The following TLE1 variants were observed in gnomAD, a reference collection of about 807,000 sequenced individuals.
TLE1 encodes TLE family member 1, transcriptional corepressor, also known as transducin-like enhancer protein 1.
A neutral mutation model predicts 89.8 loss-of-function variants in TLE1; 21 were observed. That is an observed-to-expected ratio of 0.23 (90% CI 0.17 to 0.34). TLE1 has a LOEUF of 0.34. TLE1 is among the 10% of genes least tolerant of loss of function. The pLI, the probability that TLE1 is intolerant of heterozygous loss-of-function variation, is 1.00. For synonymous variants in TLE1, 447 were observed against 407.6 expected (o/e 1.10, Z -1.16); for missense variants, 795 against 1,031.2 (o/e 0.77, Z 3.14).
intron 4 of TLE1, among the ~76,000 whole-genome samples, chr9:81,659,085 T>A (rs1830469266): frequency 6.6e-6 from 1 of 152,064 alleles, no homozygotes; most frequent in South Asian, 2.1e-4. Flanking sequence ...ATTTTTCTAT[T>A]TTTAGTAGAG....
At chr9:81,633,475 TA>T (rs1826969516) in intron 7 of TLE1, 111 bp from the exon 8 acceptor site, 3 of 1,511,506 alleles carry the variant, frequency 2.0e-6, no homozygotes, top group Non-Finnish European at 2.7e-6. Flanking sequence ...CAAACAGTTT[TA>T]AAAATGGCTT....
intron 14 of TLE1, among the ~76,000 whole-genome samples, chr9:81,603,715 T>C (rs550889682): frequency 6.6e-6 from 1 of 152,318 alleles, no homozygotes; most frequent in Non-Finnish European, 1.5e-5. Flanking sequence ...ATAAAAGTGA[T>C]ACAAGGTCAG....
At chr9:81,682,617 G>A (rs1029784689) in intron 4 of TLE1, among the ~76,000 whole-genome samples, 6 of 152,114 alleles carry the variant, frequency 3.9e-5, no homozygotes, top group African/African-American at 7.2e-5. Flanking sequence ...CCATATGACA[G>A]ACAAAAACAT....
Position 81,613,356 on chromosome 9 carries a change from CA to C in TLE1, c.1063+20del, listed in dbSNP as rs746406716. 1 of 1,610,176 alleles carries C rather than the reference CA, an allele frequency of 6.2e-7. No homozygotes were observed. The highest frequency in any genetic ancestry group is 8.5e-7 in the Non-Finnish European group (1 of 1,178,358). ...GGAATGGGAGAAACCAAACAAAGCACAACAAGAGGCGATGCTGTACCCGCTT... is the reference window on the plus strand; with the variant it reads ...GGAATGGGAGAAACCAAACAAAGCACACAAGAGGCGATGCTGTACCCGCTT... On this transcript the variant is annotated intron_variant, in intron 12 of 19. Coordinates refer to ENST00000376499, the MANE Select transcript of TLE1 (RefSeq NM_005077.5).
chr9:81,625,531 G>A (rs940404674), intron 8 of TLE1, among the ~76,000 whole-genome samples: 1 of 152,054 alleles, frequency 6.6e-6, no homozygotes, highest in Admixed American at 6.6e-5. Context: ...TCCTGGATGC[G>A]AGAGGCCAAT....
intron 8 of TLE1, among the ~76,000 whole-genome samples, chr9:81,624,190 A>C (rs1001230139): frequency 2.6e-5 from 4 of 152,208 alleles, no homozygotes; most frequent in Non-Finnish European, 4.4e-5. Context: ...CCTACCTCCT[A>C]ACCAACAGAA....
intron 11 of TLE1, among the ~76,000 whole-genome samples, chr9:81,614,982 G>C (rs1824232085): frequency 1.3e-5 from 2 of 149,756 alleles, no homozygotes; most frequent in South Asian, 4.3e-4. Context: ...ATTGCCTGAG[G>C]TCAGGAGTTC....
In TLE1 at chr9:81,688,477, C is replaced by A; in HGVS notation, c.-237G>T. 1 of 423,428 alleles carries A rather than the reference C, an allele frequency of 2.4e-6. No homozygotes were observed. Among genetic ancestry groups the A allele is most frequent in the Non-Finnish European group, 4.1e-6 (1 of 242,922 alleles). The allele number at this position is 423,428 out of a possible 1,614,324, so 26.2% of individuals were successfully genotyped here. ...GGGCCACATTAGTGGGCGCCCCAGG[C>A]CCAGCTGCTTCAAGAACCTGCGCGG... On this transcript the variant is annotated 5_prime_UTR_variant, in exon 1 of 20. Coordinates refer to ENST00000376499, the MANE Select transcript of TLE1 (RefSeq NM_005077.5).
At chr9:81,594,498 G>A (rs996473899) in intron 14 of TLE1, among the ~76,000 whole-genome samples, 13 of 151,726 alleles carry the variant, frequency 8.6e-5, no homozygotes, top group African/African-American at 2.7e-4. Flanking sequence ...CAATGAGATC[G>A]CGCCACTGCA....
intron 8 of TLE1, among the ~76,000 whole-genome samples, chr9:81,622,464 AATG>A (rs1342840344): frequency 6.6e-6 from 1 of 152,112 alleles, no homozygotes; most frequent in African/African-American, 2.4e-5. Context: ...GTTGTCGTTT[AATG>A]ATGTCAAATG....
intron 6 of TLE1, among the ~76,000 whole-genome samples, chr9:81,647,570 A>G (rs4877669): frequency 0.48 from 72,629 of 152,004 alleles, 17,600 homozygotes; most frequent in East Asian, 0.68. Context: ...AACCACCACC[A>G]ACCAGGACTT....
At chr9:81,683,312 G>A (rs1833854992) in intron 4 of TLE1, among the ~76,000 whole-genome samples, 1 of 151,190 alleles carries the variant, frequency 6.6e-6, no homozygotes, top group Non-Finnish European at 1.5e-5. Flanking sequence ...TTGGTTATAA[G>A]CCATAAAGCA....
At chr9:81,645,812 T>A (rs1203761532) in intron 6 of TLE1, among the ~76,000 whole-genome samples, 5 of 152,226 alleles carry the variant, frequency 3.3e-5, no homozygotes, top group Non-Finnish European at 7.3e-5. Flanking sequence ...TTCTTTATGA[T>A]GTGTTTATTA....
chr9:81,620,501 T>C lies in TLE1; in HGVS notation c.651A>G (p.Gly217=), dbSNP rs753299284. 2 of 1,614,086 alleles carry C rather than the reference T, an allele frequency of 1.2e-6. No individual in the cohort carries two copies. The highest frequency in any genetic ancestry group is 1.7e-6 in the Non-Finnish European group (2 of 1,180,008). The stretch of plus-strand genomic sequence containing the variant: ...TCTTGATGTCATTGGAAAATTCAGG[T>C]CCATTTCTGCGTTTATCTGTGCCTC... ...SLRGTDKRRN[G]PEFSNDIKKR... is the part of the protein sequence containing the mutation. Residue 217 remains glycine (G), a synonymous_variant, in exon 9 of 20, where the codon GGA becomes GGG. Coordinates refer to ENST00000376499, the MANE Select transcript of TLE1 (RefSeq NM_005077.5).
chr9:81,641,979 G>A (rs544425850), intron 6 of TLE1, among the ~76,000 whole-genome samples: 50 of 152,138 alleles, frequency 3.3e-4, no homozygotes, highest in African/African-American at 1.1e-3. Flanking sequence ...CGGAGATCGC[G>A]CCATTGCACT....
intron 14 of TLE1, among the ~76,000 whole-genome samples, chr9:81,603,648 C>T (rs1190222659): frequency 6.6e-6 from 1 of 152,220 alleles, no homozygotes; most frequent in Non-Finnish European, 1.5e-5. Flanking sequence ...CAATTTACTG[C>T]CTCCAGCCCA....
chr9:81,630,205 C>A (rs1826397279), intron 8 of TLE1, among the ~76,000 whole-genome samples: 1 of 151,788 alleles, frequency 6.6e-6, no homozygotes, highest in Admixed American at 6.6e-5. Context: ...TCCGAGGATC[C>A]CTTAAGGGTC....
At position 81,620,450 on chromosome 9, in the gene TLE1, G is replaced by A. The variant is rs1443229232; in HGVS notation, c.702C>T (p.Ser234=). The change falls in exon 9 of 20, where the codon TCC becomes TCT. Residue 234 remains serine, a synonymous_variant. Transcript: ENST00000376499. ...TCCTTTAATTACTTACATAGTGGCTGGAGTCCTTATCATCCACCTTCCTTT... is the reference window on the plus strand; with the variant it reads ...TCCTTTAATTACTTACATAGTGGCTAGAGTCCTTATCATCCACCTTCCTTT... ...IKKRKVDDKD[S]SHYDSDGDKS... 6.2e-7 allele frequency: 1 copy of A among 1,612,672 alleles called. No homozygotes were observed. The highest frequency in any genetic ancestry group is 8.5e-7 in the Non-Finnish European group (1 of 1,179,346).
intron 14 of TLE1, among the ~76,000 whole-genome samples, chr9:81,609,568 A>C (rs535950481): frequency 2.6e-5 from 4 of 152,306 alleles, no homozygotes; most frequent in African/African-American, 7.2e-5. Context: ...TAGCCAATTG[A>C]GTTTTTTTAA....
Sources: gnomAD v4.1 joint callset for allele counts (sites outside exome capture counted in the v4.1 genomes callset) on GRCh38, gnomAD v4.1.1 for gene constraint, MANE v1.5 for transcripts, NCBI Gene and HGNC (gene_info 2026-07-23, HGNC 2026-07-21) for gene names.